Variants in IFT81 observed in about 807,000 individuals in gnomAD.
IFT81 encodes intraflagellar transport 81.
A neutral mutation model predicts 102.6 loss-of-function variants in IFT81; 72 were observed. The ratio of observed to expected loss-of-function variants is 0.70; its 90% CI spans 0.58 to 0.85. The LOEUF is 0.85. Among genes scored for constraint, IFT81 ranks in the 40% least tolerant of loss-of-function variants. The pLI, the probability that IFT81 is intolerant of heterozygous loss-of-function variation, is 0.00. For missense variants in IFT81, 723 were observed against 787.3 expected, an observed-to-expected ratio of 0.92 and a Z score of 0.98; for synonymous variants, 237 against 242.7, an observed-to-expected ratio of 0.98 and a Z score of 0.22.
Position 110,132,825 on chromosome 12 carries a change from G to A in IFT81, c.519+189G>A, listed in dbSNP as rs76526198. Among the ~76,000 whole-genome samples the A allele has an allele frequency of 9.0e-3, 1,374 of 152,222 alleles. 4 individuals carry two copies. Among genetic ancestry groups the A allele is most frequent in the Non-Finnish European group, 9.4e-3 (641 of 68,000 alleles). ...ATTGATGAGACTGGGGTAAATTCAC[G>A]ATGAGTAGTTACTTACAGTACGGAA... is the stretch of plus-strand genomic sequence containing the variant. On this transcript the variant is annotated intron_variant, in intron 5 of 18. Coordinates refer to ENST00000242591, the MANE Select transcript of IFT81 (RefSeq NM_014055.4).
chr12:110,136,073 C>T (rs1475321252), intron 7 of IFT81, among the ~76,000 whole-genome samples: 2 of 152,066 alleles, frequency 1.3e-5, no homozygotes. Context: ...CTTTTAGATT[C>T]CAGGGCTATG....
chr12:110,173,553 A>C (rs1896888587), intron 11 of IFT81, among the ~76,000 whole-genome samples: 1 of 152,214 alleles, frequency 6.6e-6, no homozygotes, highest in South Asian at 2.1e-4. Context: ...ATTGAGAAAT[A>C]GGATGGTTGC....
chr12:110,186,890 A>C (rs959506304), intron 12 of IFT81, among the ~76,000 whole-genome samples: 3 of 151,924 alleles, frequency 2.0e-5, no homozygotes, highest in Non-Finnish European at 4.4e-5. Flanking sequence ...CTCCAACTAC[A>C]TGCATGTTGG....
intron 11 of IFT81, among the ~76,000 whole-genome samples, chr12:110,173,234 G>A (rs1183928962): frequency 7.0e-6 from 1 of 142,892 alleles, no homozygotes; most frequent in African/African-American, 2.7e-5. Context: ...CCCCCCACCC[G>A]GCCAGCCGCC....
At chr12:110,195,175 C>G (rs993629488) in intron 14 of IFT81, among the ~76,000 whole-genome samples, 2 of 151,876 alleles carry the variant, frequency 1.3e-5, no homozygotes, top group Non-Finnish European at 1.5e-5. Flanking sequence ...TATAAAAAAT[C>G]TCCTTCTCCT....
intron 11 of IFT81, among the ~76,000 whole-genome samples, chr12:110,172,591 G>A (rs1896793800): frequency 6.6e-6 from 1 of 152,202 alleles, no homozygotes. Context: ...GTTTCGCTGT[G>A]TTGGCCGGGC....
chr12:110,127,929 T>G, intron 2 of IFT81, 117 bp from the exon 3 acceptor site: 1 of 702,354 alleles, frequency 1.4e-6, no homozygotes. Context: ...CTTAATCTGT[T>G]TTATGAAGAG....
intron 11 of IFT81, among the ~76,000 whole-genome samples, chr12:110,178,591 G>C (rs1339603560): frequency 6.8e-6 from 1 of 146,418 alleles, no homozygotes; most frequent in Non-Finnish European, 1.5e-5. Context: ...TTAGCTTTAA[G>C]AAGCACTGGA....
intron 14 of IFT81, among the ~76,000 whole-genome samples, chr12:110,193,357 G>A (rs779809729): frequency 2.0e-5 from 3 of 152,150 alleles, no homozygotes; most frequent in Non-Finnish European, 2.9e-5. Context: ...ATTCTTCTGT[G>A]TCCAGGTAAA....
Position 110,191,014 on chromosome 12 carries a change from T to C in IFT81, c.1433T>C (p.Met478Thr), listed in dbSNP as rs889381053. 1 of 1,610,156 alleles carries C rather than the reference T, an allele frequency of 6.2e-7. No individual in the cohort carries two copies. The highest frequency in any genetic ancestry group is 8.5e-7 in the Non-Finnish European group (1 of 1,178,628). Residue 478 changes from methionine to threonine, a missense_variant, in exon 13 of 19, where the codon ATG becomes ACG. Coordinates refer to ENST00000242591, the MANE Select transcript of IFT81 (RefSeq NM_014055.4). ...VSALKSEVDE[M>T]KGRTLDDMSE... Reference sequence around the variant, plus strand: ...GCACTGAAGAGTGAAGTTGATGAAATGAAAGGACGAACATTGGATGATATG... The same window carrying C: ...GCACTGAAGAGTGAAGTTGATGAAACGAAAGGACGAACATTGGATGATATG...
At chr12:110,136,059 G>C (rs1367089868) in intron 7 of IFT81, among the ~76,000 whole-genome samples, 1 of 152,014 alleles carries the variant, frequency 6.6e-6, no homozygotes, top group Non-Finnish European at 1.5e-5. Flanking sequence ...ATCTCTACAG[G>C]ATGCTTTTAG....
chr12:110,131,699 C>T (rs904681485), intron 4 of IFT81, among the ~76,000 whole-genome samples: 3 of 152,042 alleles, frequency 2.0e-5, no homozygotes, highest in African/African-American at 7.2e-5. Context: ...CTGTGCTAGG[C>T]CCTAGGGATA....
intron 10 of IFT81, among the ~76,000 whole-genome samples, chr12:110,151,358 A>G (rs1297984628): frequency 6.6e-6 from 1 of 152,188 alleles, no homozygotes; most frequent in Non-Finnish European, 1.5e-5. Context: ...GTATCAGTAC[A>G]TCATTCCTTT....
At chr12:110,137,068 C>T (rs541617118) in intron 8 of IFT81, among the ~76,000 whole-genome samples, 45 of 152,314 alleles carry the variant, frequency 3.0e-4, no homozygotes, top group African/African-American at 1.1e-3. Flanking sequence ...AACCAGATGG[C>T]CGGGTGCAGT....
intron 13 of IFT81, 135 bp downstream of exon 13, chr12:110,191,183 C>A: frequency 1.5e-6 from 1 of 667,060 alleles, no homozygotes; most frequent in Non-Finnish European, 2.2e-6. Context: ...TTTTTTTTTT[C>A]TTTTTGAGGC....
intron 17 of IFT81, among the ~76,000 whole-genome samples, chr12:110,206,452 A>G (rs924544080): frequency 1.2e-4 from 19 of 152,300 alleles, no homozygotes; most frequent in African/African-American, 4.3e-4. Flanking sequence ...AAAAATTCAG[A>G]TAAAATGTAG....
chr12:110,208,392 A>C (rs1220220368), intron 17 of IFT81, among the ~76,000 whole-genome samples: 2 of 152,104 alleles, frequency 1.3e-5, no homozygotes, highest in Non-Finnish European at 2.9e-5. Context: ...CTGTAATCCC[A>C]GTATCTGGGA....
intron 8 of IFT81, among the ~76,000 whole-genome samples, chr12:110,141,647 A>G (rs1447143129): frequency 1.3e-5 from 2 of 152,162 alleles, no homozygotes; most frequent in African/African-American, 4.8e-5. Context: ...TGGGAGGCCC[A>G]GGCAGGCGGA....
intron 18 of IFT81, among the ~76,000 whole-genome samples, chr12:110,217,099 T>C (rs552292237): frequency 6.6e-6 from 1 of 152,208 alleles, no homozygotes; most frequent in South Asian, 2.1e-4. Context: ...TAGAGTCTCA[T>C]AGTGGCACGA....
Sources: gnomAD v4.1 joint callset for allele counts (sites outside exome capture counted in the v4.1 genomes callset) on GRCh38, gnomAD v4.1.1 for gene constraint, MANE v1.5 for transcripts, NCBI Gene and HGNC (gene_info 2026-07-23, HGNC 2026-07-21) for gene names.